Variants in WWOX observed in about 807,000 individuals in gnomAD.
The protein encoded by WWOX is WW domain containing oxidoreductase.
Under a neutral mutation model 46.2 loss-of-function variants are expected in WWOX, and 69 were observed. That is an observed-to-expected ratio of 1.49 (90% CI 1.23 to 1.82). The LOEUF is 1.82. Among genes scored for constraint, WWOX ranks in the 40% most tolerant of loss-of-function variants. The probability of loss-of-function intolerance (pLI) is 0.00; values close to 1 mark genes in which losing one functional copy is unlikely to be tolerated. For missense variants in WWOX, 919 were observed against 542.6 expected, an observed-to-expected ratio of 1.69 and a Z score of -6.89; for synonymous variants, 359 against 202.6, an observed-to-expected ratio of 1.77 and a Z score of -6.56.
chr16:78,737,790 T>C (rs893259525), intron 8 of WWOX, among the ~76,000 whole-genome samples: 1 of 152,156 alleles, frequency 6.6e-6, no homozygotes, highest in Non-Finnish European at 1.5e-5. Context: ...GCAGAAACTT[T>C]TACAGAGTGT....
At chr16:79,149,653 C>G (rs1302739742) in intron 8 of WWOX, among the ~76,000 whole-genome samples, 2 of 152,208 alleles carry the variant, frequency 1.3e-5, no homozygotes, top group African/African-American at 2.4e-5. Context: ...TTTCATGTCT[C>G]ATAAATAATC....
At chr16:78,911,336 C>G (rs1372320092) in intron 8 of WWOX, among the ~76,000 whole-genome samples, 1 of 152,032 alleles carries the variant, frequency 6.6e-6, no homozygotes, top group East Asian at 1.9e-4. Context: ...CCATAAATCA[C>G]ATATTTGTAA....
chr16:78,768,546 C>T (rs913663410), intron 8 of WWOX, among the ~76,000 whole-genome samples: 7 of 150,568 alleles, frequency 4.6e-5, no homozygotes, highest in Non-Finnish European at 1.0e-4. Context: ...GCGGAGACTG[C>T]GCCGCTGCAC....
At chr16:78,532,751 A>G (rs1437440203) in intron 8 of WWOX, among the ~76,000 whole-genome samples, 1 of 151,866 alleles carries the variant, frequency 6.6e-6, no homozygotes, top group African/African-American at 2.4e-5. Context: ...ATACCGTCAG[A>G]TTCCTTGAGA....
chr16:78,542,380 A>G (rs1240541350), intron 8 of WWOX, among the ~76,000 whole-genome samples: 1 of 152,160 alleles, frequency 6.6e-6, no homozygotes, highest in East Asian at 1.9e-4. Context: ...GAGAGAGGCA[A>G]TCAGAAGAAG....
intron 5 of WWOX, among the ~76,000 whole-genome samples, chr16:78,362,039 G>T (rs59541659): frequency 0.11 from 15,899 of 145,218 alleles, 1,250 homozygotes; most frequent in East Asian, 0.3. Context: ...GCTTTTTCTG[G>T]TTGGCTTCTA....
At chr16:79,154,503 CA>C (rs67379862) in intron 8 of WWOX, among the ~76,000 whole-genome samples, 4,197 of 88,064 alleles carry the variant, frequency 0.048, 60 homozygotes, top group South Asian at 0.09. Context: ...TCCTCTTTTG[CA>C]AAAAAAAAAA....
At chr16:78,436,377 C>T (rs1455813811) in intron 8 of WWOX, among the ~76,000 whole-genome samples, 1 of 152,196 alleles carries the variant, frequency 6.6e-6, no homozygotes, top group East Asian at 1.9e-4. Flanking sequence ...GTGAGGAAGC[C>T]GTAGGGTGTG....
At chr16:78,915,511 A>G (rs184286689) in intron 8 of WWOX, among the ~76,000 whole-genome samples, 4 of 152,316 alleles carry the variant, frequency 2.6e-5, no homozygotes, top group African/African-American at 7.2e-5. Flanking sequence ...AGAATGTCGC[A>G]TGCAGATCAA....
intron 8 of WWOX, among the ~76,000 whole-genome samples, chr16:78,936,263 G>C (rs547630351): frequency 6.6e-6 from 1 of 152,160 alleles, no homozygotes; most frequent in East Asian, 1.9e-4. Context: ...CTTTGACCTG[G>C]GCCTTCAACC....
chr16:78,878,461 A>G (rs1289148953), intron 8 of WWOX, among the ~76,000 whole-genome samples: 1 of 152,154 alleles, frequency 6.6e-6, no homozygotes, highest in East Asian at 1.9e-4. Flanking sequence ...AATCAAAACT[A>G]TTTTATAGGG....
At chr16:79,023,192 G>T (rs1365470186) in intron 8 of WWOX, among the ~76,000 whole-genome samples, 4 of 152,214 alleles carry the variant, frequency 2.6e-5, no homozygotes, top group Non-Finnish European at 4.4e-5. Flanking sequence ...AAGCTTGAAA[G>T]CAATTGGATG....
At chr16:78,820,108 G>A (rs1228295956) in intron 8 of WWOX, among the ~76,000 whole-genome samples, 1 of 152,106 alleles carries the variant, frequency 6.6e-6, no homozygotes, top group Admixed American at 6.5e-5. Context: ...CACCTGTCAT[G>A]GGCCTGGCAC....
intron 5 of WWOX, among the ~76,000 whole-genome samples, chr16:78,358,335 T>C (rs561767647): frequency 1.3e-5 from 2 of 152,174 alleles, no homozygotes; most frequent in Admixed American, 6.5e-5. Flanking sequence ...CTTTCCTTGA[T>C]TGCACAGTAA....
chr16:79,202,604 C>G (rs1363020866), intron 8 of WWOX: 1 of 152,110 alleles, frequency 6.6e-6, no homozygotes. Flanking sequence ...AGAAGGCAAA[C>G]AAAAGAAGCC....
chr16:78,215,382 G>C (rs1037709909), intron 5 of WWOX, among the ~76,000 whole-genome samples: 6 of 152,190 alleles, frequency 3.9e-5, no homozygotes, highest in African/African-American at 1.4e-4. Context: ...CGTGGTGGCA[G>C]TTTCCCTCAT....
chr16:78,710,843 C>A (rs568358740), intron 8 of WWOX, among the ~76,000 whole-genome samples: 69 of 152,060 alleles, frequency 4.5e-4, no homozygotes, highest in Non-Finnish European at 7.6e-4. Flanking sequence ...TCTCAAACTC[C>A]TGAGCTCAAG....
chr16:79,102,134 T>G (rs1480646918), intron 8 of WWOX, among the ~76,000 whole-genome samples: 3 of 151,058 alleles, frequency 2.0e-5, no homozygotes, highest in Non-Finnish European at 3.0e-5. Flanking sequence ...AGCAAAACAA[T>G]GTACTGGAGT....
intron 5 of WWOX, among the ~76,000 whole-genome samples, chr16:78,329,208 C>A (rs1419672134): frequency 2.6e-5 from 4 of 152,146 alleles, no homozygotes; most frequent in African/African-American, 7.2e-5. Flanking sequence ...AGTGAAATTG[C>A]AACCCCATGG....
Sources: gnomAD v4.1 joint callset for allele counts (sites outside exome capture counted in the v4.1 genomes callset) on GRCh38, gnomAD v4.1.1 for gene constraint, MANE v1.5 for transcripts, NCBI Gene and HGNC (gene_info 2026-07-23, HGNC 2026-07-21) for gene names.